Variants in EMP2 observed in about 807,000 individuals in gnomAD.
The protein encoded by EMP2 is epithelial membrane protein 2.
EMP2 carries 19 observed loss-of-function variants against 13.7 expected under a neutral mutation model. The observed-to-expected ratio is 1.38, with a 90% confidence interval of 0.97 to 2.03. The LOEUF is 2.03. EMP2 is among the 30% of genes most tolerant of loss of function. The pLI, the probability that EMP2 is intolerant of heterozygous loss-of-function variation, is 0.00. For missense variants in EMP2, 253 were observed against 220.7 expected (o/e 1.15, Z -0.93); for synonymous variants, 97 against 84.7 (o/e 1.15, Z -0.80).
chr16:10,578,417 G>C (rs1334194202), intron 1 of EMP2, among the ~76,000 whole-genome samples: 1 of 152,340 alleles, frequency 6.6e-6, no homozygotes. Context: ...CTGGGGTGAG[G>C]GTGGAGAAGC....
intron 1 of EMP2, among the ~76,000 whole-genome samples, chr16:10,578,409 G>C (rs1250860363): frequency 6.6e-6 from 1 of 152,206 alleles, no homozygotes. Flanking sequence ...TGCCATTACT[G>C]GGGTGAGGGT....
chr16:10,533,303 G>T lies in EMP2; in HGVS notation c.317-211C>A, dbSNP rs561730666. Among the ~76,000 whole-genome samples, 6 of 152,280 alleles carry T rather than the reference G, an allele frequency of 3.9e-5. No homozygotes were observed. In the South Asian group the frequency reaches 1.2e-3, roughly 32 times the overall value. Reference sequence around the variant, plus strand: ...TCCTCCTGCCTCGGCCTCCCAAAGTGCTGGGATTACAGACGTGAGCCACCG... The same window carrying T: ...TCCTCCTGCCTCGGCCTCCCAAAGTTCTGGGATTACAGACGTGAGCCACCG... On this transcript the variant is annotated intron_variant, in intron 4 of 4. Coordinates refer to ENST00000359543, the MANE Select transcript of EMP2 (RefSeq NM_001424.6).
chr16:10,540,598 A>C (rs2050688189), intron 3 of EMP2, among the ~76,000 whole-genome samples: 3 of 152,160 alleles, frequency 2.0e-5, no homozygotes, highest in African/African-American at 7.2e-5. Context: ...TGCTTTAAAA[A>C]CACCCACTAA....
chr16:10,538,733 G>A (rs549409182), intron 3 of EMP2, among the ~76,000 whole-genome samples: 1 of 152,256 alleles, frequency 6.6e-6, no homozygotes, highest in African/African-American at 2.4e-5. Flanking sequence ...AGGCTAATGT[G>A]TAGAAAGCTA....
Position 10,579,738 on chromosome 16 carries a change from A to ACACACACC in EMP2, c.-61+810_-61+811insGGTGTGTG, listed in dbSNP as rs748732742. Among the ~76,000 whole-genome samples the ACACACACC allele has an allele frequency of 2.8e-3, 408 of 145,200 alleles. 2 individuals are homozygous for ACACACACC. The highest frequency in any genetic ancestry group is 4.6e-3 in the Admixed American group (66 of 14,318). ...CACACACACACACACACACACACAC[A>ACACACACC]CCCTCAAAGCTTGGGAGGGGCAGTG... On this transcript the variant is annotated intron_variant, in intron 1 of 4. Coordinates refer to ENST00000359543, the MANE Select transcript of EMP2 (RefSeq NM_001424.6).
chr16:10,535,472 T>C lies in EMP2; in HGVS notation c.317-2380A>G, dbSNP rs142772018. Reference sequence around the variant, plus strand: ...TTCAGAAGCTGGGTGCGGTGGCTCATGCTCGGAATCCCAACACTTTGAGAG... The same window carrying C: ...TTCAGAAGCTGGGTGCGGTGGCTCACGCTCGGAATCCCAACACTTTGAGAG... On this transcript the variant is annotated intron_variant, in intron 4 of 4. Coordinates refer to ENST00000359543, the MANE Select transcript of EMP2 (RefSeq NM_001424.6). Among the ~76,000 whole-genome samples, 527 of 152,224 alleles carry C rather than the reference T, an allele frequency of 3.5e-3. 5 individuals are homozygous for C. The highest frequency in any genetic ancestry group is 0.012 in the African/African-American group (496 of 41,540).
Position 10,532,610 on chromosome 16 carries a change from T to G in EMP2, c.*295A>C. The G allele has an allele frequency of 5.5e-6, 1 of 183,456 alleles. No homozygotes were observed. Among genetic ancestry groups the G allele is most frequent in the Non-Finnish European group, 1.1e-5 (1 of 89,082 alleles). 11.4% of individuals were successfully genotyped at this position (183,456 alleles called of 1,614,324 possible). ...GTTAAGAAATGTCCTGCCGAGTGCT[T>G]TTGGATTTGAGCATTGCTGGATTTT... is the stretch of plus-strand genomic sequence containing the variant. On this transcript the variant is annotated 3_prime_UTR_variant, in exon 5 of 5. Transcript: ENST00000359543.
At chr16:10,539,950 G>T (rs535951063) in intron 3 of EMP2, among the ~76,000 whole-genome samples, 1 of 152,112 alleles carries the variant, frequency 6.6e-6, no homozygotes, top group Non-Finnish European at 1.5e-5. Context: ...TCCCCCTGGA[G>T]ATTCTGCTAC....
intron 1 of EMP2, among the ~76,000 whole-genome samples, chr16:10,570,224 C>CTT (rs544574300): frequency 2.3e-3 from 299 of 131,736 alleles, no homozygotes; most frequent in African/African-American, 7.0e-3. Flanking sequence ...AAAATGGTGG[C>CTT]TTTTTTTTTT....
At chr16:10,573,567 T>A (rs2050962394) in intron 1 of EMP2, among the ~76,000 whole-genome samples, 1 of 152,080 alleles carries the variant, frequency 6.6e-6, no homozygotes, top group African/African-American at 2.4e-5. Flanking sequence ...TCTCTCCCCA[T>A]CCTCACACCT....
At chr16:10,566,669 C>T (rs935535746) in intron 1 of EMP2, among the ~76,000 whole-genome samples, 12 of 152,188 alleles carry the variant, frequency 7.9e-5, no homozygotes, top group African/African-American at 2.9e-4. Flanking sequence ...GGTCTCCAAC[C>T]ACGAAGTCAG....
chr16:10,539,226 G>A (rs138517650), intron 3 of EMP2, among the ~76,000 whole-genome samples: 12 of 151,022 alleles, frequency 7.9e-5, no homozygotes, highest in African/African-American at 2.7e-4. Flanking sequence ...AAAATCTAAG[G>A]ACACACCTTC....
intron 1 of EMP2, among the ~76,000 whole-genome samples, chr16:10,558,234 C>T (rs1394809339): frequency 5.9e-5 from 9 of 152,010 alleles, no homozygotes; most frequent in Admixed American, 1.3e-4. Flanking sequence ...GCTGTGTTGC[C>T]CAGGCTGGTC....
chr16:10,540,141 G>C (rs2050682932), intron 3 of EMP2, among the ~76,000 whole-genome samples: 1 of 152,198 alleles, frequency 6.6e-6, no homozygotes, highest in African/African-American at 2.4e-5. Context: ...ATGGGTGTAT[G>C]TGGAACCCAG....
At chr16:10,560,312 C>G (rs2050862357) in intron 1 of EMP2, among the ~76,000 whole-genome samples, 1 of 152,210 alleles carries the variant, frequency 6.6e-6, no homozygotes, top group African/African-American at 2.4e-5. Context: ...TCCCCGAGTC[C>G]TCCAGGCTCA....
At chr16:10,552,004 T>A (rs528665695) in intron 1 of EMP2, among the ~76,000 whole-genome samples, 10 of 152,268 alleles carry the variant, frequency 6.6e-5, no homozygotes, top group African/African-American at 2.2e-4. Flanking sequence ...AAGGACCCAA[T>A]GAACCAGCTT....
chr16:10,554,035 CTTT>C (rs34514394), intron 1 of EMP2, among the ~76,000 whole-genome samples: 1 of 138,116 alleles, frequency 7.2e-6, no homozygotes. Flanking sequence ...TTCTTTCTTT[CTTT>C]TTTTTTTTTT....
chr16:10,555,218 A>C (rs949465385), intron 1 of EMP2, among the ~76,000 whole-genome samples: 1 of 152,208 alleles, frequency 6.6e-6, no homozygotes, highest in Admixed American at 6.5e-5. Context: ...TACTCCTCAG[A>C]ATGCCCACGA....
At chr16:10,538,447 G>C (rs1392770896) in intron 3 of EMP2, among the ~76,000 whole-genome samples, 2 of 152,130 alleles carry the variant, frequency 1.3e-5, no homozygotes, top group African/African-American at 4.8e-5. Context: ...AATCAGGATG[G>C]GGCCTTGGGG....
Sources: allele counts gnomAD v4.1 joint callset (sites outside exome capture counted in the v4.1 genomes callset), GRCh38; gene constraint gnomAD v4.1.1; transcripts MANE v1.5; gene names NCBI Gene and HGNC (gene_info 2026-07-23, HGNC 2026-07-21).